Variants in FOXD2 observed in about 807,000 individuals in gnomAD.
FOXD2 encodes forkhead box D2.
A neutral mutation model predicts 6.4 loss-of-function variants in FOXD2; 4 were observed. That is an observed-to-expected ratio of 0.62 (90% CI 0.31 to 1.42). FOXD2 has a LOEUF of 1.42. Ranked by LOEUF, FOXD2 falls within the 40% of genes most tolerant of loss-of-function variation. FOXD2 has a pLI of 0.08. For missense variants in FOXD2, 709 were observed against 766.8 expected (o/e 0.92, Z 0.89); for synonymous variants, 393 against 373.6 (o/e 1.05, Z -0.60).
Position 47,439,734 on chromosome 1 carries a change from CCGGCACGCGTGACA to C in FOXD2, c.*118_*131del. 2.0e-6 allele frequency: 2 copies of C among 1,010,624 alleles called. No individual in the cohort carries two copies. Among genetic ancestry groups the C allele is most frequent in the South Asian group, 3.2e-5 (2 of 62,740 alleles). 62.6% of individuals were successfully genotyped at this position (1,010,624 alleles called of 1,614,324 possible). A position where few individuals can be genotyped will look rare whatever the true frequency, so the allele number is the denominator to read the frequency against. The stretch of plus-strand genomic sequence containing the variant: ...ATTTATGAAGTCTCCAGACCTTGGG[CCGGCACGCGTGACA>C]CGGCACTTCAGGCTCCACGCACAGA... On this transcript the variant is annotated 3_prime_UTR_variant, in exon 1 of 1. Transcript: ENST00000334793.
Position 47,439,875 on chromosome 1 carries a change from A to C in FOXD2, c.*252A>C. The stretch of plus-strand genomic sequence containing the variant: ...GCCAAGATTCTTTACAGTTTGAGAA[A>C]TAAAAGCAGGGGGGTGGGGGCTTCG... On this transcript the variant is annotated 3_prime_UTR_variant, in exon 1 of 1. Coordinates refer to ENST00000334793, the MANE Select transcript of FOXD2 (RefSeq NM_004474.4). 2.2e-6 allele frequency: 1 copy of C among 444,948 alleles called. No individual in the cohort carries two copies. 27.6% of individuals were successfully genotyped at this position (444,948 alleles called of 1,614,324 possible).
In FOXD2 at chr1:47,439,852, C is replaced by A; in HGVS notation, c.*229C>A. ...GGGGCTACGCGAAGAAGTCGCAGGC[C>A]AAGATTCTTTACAGTTTGAGAAATA... is the stretch of plus-strand genomic sequence containing the variant. On this transcript the variant is annotated 3_prime_UTR_variant, in exon 1 of 1. Coordinates refer to ENST00000334793, the MANE Select transcript of FOXD2 (RefSeq NM_004474.4). The A allele has an allele frequency of 7.6e-6, 4 of 524,532 alleles. No homozygotes were observed. Among genetic ancestry groups the A allele is most frequent in the South Asian group, 2.9e-5 (1 of 34,888 alleles). The allele number at this position is 524,532 out of a possible 1,614,324, so 32.5% of individuals were successfully genotyped here. A position where few individuals can be genotyped will look rare whatever the true frequency, so the allele number is the denominator to read the frequency against.
rs1646998392 is a variant in FOXD2 at position 47,439,882 on chromosome 1, CA to C, written c.*260del. ...TTCTTTACAGTTTGAGAAATAAAAG[CA>C]GGGGGGTGGGGGCTTCGTTTTTTTC... On this transcript the variant is annotated 3_prime_UTR_variant, in exon 1 of 1. Coordinates refer to ENST00000334793, the MANE Select transcript of FOXD2 (RefSeq NM_004474.4). The C allele has an allele frequency of 4.8e-6, 2 of 413,796 alleles. No individual in the cohort carries two copies. The highest frequency in any genetic ancestry group is 6.1e-5 in the Admixed American group (1 of 16,370). 25.6% of individuals were successfully genotyped at this position (413,796 alleles called of 1,614,324 possible).
Sources: gnomAD v4.1 joint callset for allele counts on GRCh38, gnomAD v4.1.1 for gene constraint, MANE v1.5 for transcripts, NCBI Gene and HGNC (gene_info 2026-07-23, HGNC 2026-07-21) for gene names.